Variants in EEPD1 observed in about 807,000 individuals in gnomAD.
EEPD1 encodes endonuclease/exonuclease/phosphatase family domain-containing protein 1.
Under a neutral mutation model 46.3 loss-of-function variants are expected in EEPD1, and 17 were observed. The observed-to-expected ratio is 0.37, with a 90% CI of 0.25 to 0.55. EEPD1 has a LOEUF of 0.55. EEPD1 is among the 20% of genes least tolerant of loss of function. The pLI is 0.83. For synonymous variants in EEPD1, 313 were observed against 315.6 expected (o/e 0.99, Z 0.09); for missense variants, 673 against 745.6 (o/e 0.90, Z 1.13).
chr7:36,290,164 G>C (rs1787406564), intron 6 of EEPD1, among the ~76,000 whole-genome samples: 1 of 152,196 alleles, frequency 6.6e-6, no homozygotes, highest in Non-Finnish European at 1.5e-5. Context: ...TGTGGAAGCA[G>C]AAAGGAAAGA....
At chr7:36,298,708 C>T (rs572051769) in intron 7 of EEPD1, among the ~76,000 whole-genome samples, 4 of 152,276 alleles carry the variant, frequency 2.6e-5, no homozygotes, top group East Asian at 1.9e-4. Context: ...TTCACAGCAG[C>T]GCGTTTATGA....
chr7:36,267,839 T>C (rs1787046731), intron 3 of EEPD1, among the ~76,000 whole-genome samples: 1 of 151,902 alleles, frequency 6.6e-6, no homozygotes, highest in South Asian at 2.1e-4. Flanking sequence ...CCTTGGGAGG[T>C]AATTGGGTCA....
At chr7:36,298,825 A>T (rs375936080) in intron 7 of EEPD1, among the ~76,000 whole-genome samples, 182 bp from the exon 8 acceptor site, 14 of 152,220 alleles carry the variant, frequency 9.2e-5, no homozygotes, top group African/African-American at 3.4e-4. Flanking sequence ...TGGAAAATCA[A>T]ACTGGCCGAG....
rs148004846 is a variant in EEPD1, at chr7:36,211,994, A to G, written c.879-26991A>G. Among the ~76,000 whole-genome samples, 131 of 152,328 alleles carry G rather than the reference A, an allele frequency of 8.6e-4. No homozygotes were observed. The East Asian group carries it at 0.021, about 24-fold the overall frequency. Reference sequence around the variant, plus strand: ...AAACAAAATGTAAAGTTAATGTAGAAAAATTGCCTCAAGTGACAGAAAAAA... The same window carrying G: ...AAACAAAATGTAAAGTTAATGTAGAGAAATTGCCTCAAGTGACAGAAAAAA... On this transcript the variant is annotated intron_variant, in intron 2 of 7. Coordinates refer to ENST00000242108, the MANE Select transcript of EEPD1 (RefSeq NM_030636.3).
intron 3 of EEPD1, among the ~76,000 whole-genome samples, chr7:36,258,234 C>T (rs1187462887): frequency 1.3e-5 from 2 of 152,148 alleles, no homozygotes; most frequent in Admixed American, 6.5e-5. Flanking sequence ...AGATGTCAGC[C>T]AGAGCTCTCC....
intron 2 of EEPD1, among the ~76,000 whole-genome samples, chr7:36,168,759 A>G (rs1288696350): frequency 6.7e-6 from 1 of 149,510 alleles, no homozygotes; most frequent in Non-Finnish European, 1.5e-5. Context: ...CTCTGTCTCA[A>G]AAAAAAAAAA....
At chr7:36,204,569 G>A (rs1022020840) in intron 2 of EEPD1, among the ~76,000 whole-genome samples, 1 of 152,144 alleles carries the variant, frequency 6.6e-6, no homozygotes, top group Non-Finnish European at 1.5e-5. Context: ...CCCTTAGGGT[G>A]CCCCAATGTG....
chr7:36,290,788 A>G (rs1339329128), intron 6 of EEPD1, among the ~76,000 whole-genome samples: 1 of 152,118 alleles, frequency 6.6e-6, no homozygotes, highest in African/African-American at 2.4e-5. Context: ...TTGGCGTTTT[A>G]TAAATCTAGA....
At chr7:36,176,448 CAA>C (rs1471792051) in intron 2 of EEPD1, among the ~76,000 whole-genome samples, 4 of 152,206 alleles carry the variant, frequency 2.6e-5, no homozygotes, top group Non-Finnish European at 5.9e-5. Flanking sequence ...GTGAATTCCG[CAA>C]GTTCTCCCAT....
At chr7:36,206,086 C>G (rs1785812197) in intron 2 of EEPD1, among the ~76,000 whole-genome samples, 1 of 152,208 alleles carries the variant, frequency 6.6e-6, no homozygotes, top group Non-Finnish European at 1.5e-5. Context: ...CCCACAGAAG[C>G]TTTCCTGGTT....
chr7:36,250,521 A>G (rs1244576617), intron 3 of EEPD1, among the ~76,000 whole-genome samples: 5 of 152,202 alleles, frequency 3.3e-5, no homozygotes, highest in Non-Finnish European at 7.3e-5. Context: ...ATAAAGTTTT[A>G]TTGGAACACA....
At chr7:36,275,751 C>T (rs145412200) in intron 3 of EEPD1, among the ~76,000 whole-genome samples, 63 of 152,256 alleles carry the variant, frequency 4.1e-4, no homozygotes, top group African/African-American at 1.3e-3. Context: ...TGAGCCACTG[C>T]GCCCGAACCA....
intron 3 of EEPD1, 26 bp from the exon 4 acceptor site, chr7:36,281,089 T>C (rs745626733): frequency 6.2e-7 from 1 of 1,611,852 alleles, no homozygotes; most frequent in Non-Finnish European, 8.5e-7. Flanking sequence ...GAACCCACGC[T>C]TCTGACCTGT....
At chr7:36,159,385 G>A (rs1433280884) in intron 2 of EEPD1, among the ~76,000 whole-genome samples, 2 of 152,212 alleles carry the variant, frequency 1.3e-5, no homozygotes, top group Non-Finnish European at 2.9e-5. Flanking sequence ...GTGGGTGGAT[G>A]CAGCCAGACG....
At chr7:36,275,265 A>G (rs1185055890) in intron 3 of EEPD1, among the ~76,000 whole-genome samples, 3 of 152,144 alleles carry the variant, frequency 2.0e-5, no homozygotes, top group Admixed American at 6.5e-5. Flanking sequence ...TACCAGTACT[A>G]TTGATATTCT....
chr7:36,181,721 C>A (rs181460322), intron 2 of EEPD1, among the ~76,000 whole-genome samples: 140 of 152,268 alleles, frequency 9.2e-4, no homozygotes, highest in African/African-American at 3.2e-3. Flanking sequence ...CTTCCAAGAC[C>A]TCAGCATCAC....
chr7:36,164,501 T>C (rs1436928749), intron 2 of EEPD1, among the ~76,000 whole-genome samples: 1 of 152,202 alleles, frequency 6.6e-6, no homozygotes, highest in Non-Finnish European at 1.5e-5. Context: ...TGAGTGGAGG[T>C]TGGTTAGGAT....
At chr7:36,194,467 G>A (rs1785539864) in intron 2 of EEPD1, among the ~76,000 whole-genome samples, 1 of 152,188 alleles carries the variant, frequency 6.6e-6, no homozygotes, top group Non-Finnish European at 1.5e-5. Flanking sequence ...GGGCAGCACA[G>A]AAGACTTCCC....
At chr7:36,201,614 G>T (rs1289196868) in intron 2 of EEPD1, among the ~76,000 whole-genome samples, 1 of 152,262 alleles carries the variant, frequency 6.6e-6, no homozygotes, top group Non-Finnish European at 1.5e-5. Flanking sequence ...TGCTGTGTTT[G>T]GTTCACAGTA....
Sources: allele counts gnomAD v4.1 joint callset (sites outside exome capture counted in the v4.1 genomes callset), GRCh38; gene constraint gnomAD v4.1.1; transcripts MANE v1.5; gene names NCBI Gene and HGNC (gene_info 2026-07-23, HGNC 2026-07-21).